The following FAM227B variants were observed in gnomAD, a reference collection of about 807,000 sequenced individuals.
FAM227B encodes protein FAM227B.
Under a neutral mutation model 73.8 loss-of-function variants are expected in FAM227B, and 88 were observed. The ratio of observed to expected loss-of-function variants is 1.19; its 90% CI spans 1.00 to 1.42. The LOEUF (loss-of-function observed/expected upper bound fraction) is 1.42, where lower values mean the gene tolerates loss of function less well. Ranked by LOEUF, FAM227B falls within the 40% of genes most tolerant of loss-of-function variation. The probability of loss-of-function intolerance (pLI) is 0.00; values close to 1 mark genes in which losing one functional copy is unlikely to be tolerated. For synonymous variants in FAM227B, 210 were observed against 190.5 expected (o/e 1.10, Z -0.84); for missense variants, 632 against 590.9 (o/e 1.07, Z -0.72).
At chr15:49,367,369 C>T (rs2045382626) in intron 13 of FAM227B, 79 bp downstream of exon 13, 1 of 1,236,452 alleles carries the variant, frequency 8.1e-7, no homozygotes. Context: ...ATTTGTTTCT[C>T]AATTGAGACA....
At chr15:49,346,536 C>T (rs2041531183) in intron 13 of FAM227B, among the ~76,000 whole-genome samples, 1 of 152,118 alleles carries the variant, frequency 6.6e-6, no homozygotes, top group Admixed American at 6.5e-5. Context: ...TAAATCTTTT[C>T]TCTTTTGCAA....
intron 13 of FAM227B, among the ~76,000 whole-genome samples, chr15:49,354,215 G>A (rs926730284): frequency 9.2e-5 from 14 of 152,108 alleles, no homozygotes; most frequent in African/African-American, 2.9e-4. Flanking sequence ...CTATTTACAT[G>A]TTTAAAAAGT....
chr15:49,451,660 A>G (rs1167814383), intron 11 of FAM227B, among the ~76,000 whole-genome samples: 1 of 152,186 alleles, frequency 6.6e-6, no homozygotes, highest in Non-Finnish European at 1.5e-5. Context: ...AACACAGCAC[A>G]AGCCAAACTG....
At chr15:49,359,047 GA>G (rs1311849746) in intron 13 of FAM227B, among the ~76,000 whole-genome samples, 1 of 152,082 alleles carries the variant, frequency 6.6e-6, no homozygotes, top group Non-Finnish European at 1.5e-5. Context: ...GTATAAAGCT[GA>G]AACTCGATCC....
At chr15:49,490,366 G>A in intron 11 of FAM227B, among the ~76,000 whole-genome samples, 1 of 151,910 alleles carries the variant, frequency 6.6e-6, no homozygotes, top group Non-Finnish European at 1.5e-5. Context: ...AAGTGATTCT[G>A]TTAAAATATA....
intron 9 of FAM227B, among the ~76,000 whole-genome samples, chr15:49,544,805 TG>T (rs1362381167): frequency 6.6e-6 from 1 of 152,234 alleles, no homozygotes; most frequent in African/African-American, 2.4e-5. Flanking sequence ...TCACATTTAT[TG>T]ACATATTGAT....
rs780775645 is a variant in FAM227B at position 49,328,074 on chromosome 15, G to A, written c.*494C>T. 65 of 1,614,076 alleles carry A rather than the reference G, an allele frequency of 4.0e-5. No homozygotes were observed. Among genetic ancestry groups the A allele is most frequent in the African/African-American group, 5.3e-5 (4 of 75,026 alleles). ...AATGTGCACAAAGCTTATTACCAGA[G>A]GAGTGATGGAAGCTTAGCACCGGAG... is the stretch of plus-strand genomic sequence containing the variant. On this transcript the variant is annotated 3_prime_UTR_variant, in exon 16 of 16. Transcript: ENST00000299338.
intron 5 of FAM227B, among the ~76,000 whole-genome samples, chr15:49,579,728 T>C (rs1490803785): frequency 6.6e-6 from 1 of 152,172 alleles, no homozygotes; most frequent in Non-Finnish European, 1.5e-5. Flanking sequence ...TACTGTTTGA[T>C]AGCATAGTAG....
intron 8 of FAM227B, among the ~76,000 whole-genome samples, chr15:49,574,307 G>C (rs906301029): frequency 6.6e-6 from 1 of 152,020 alleles, no homozygotes; most frequent in Non-Finnish European, 1.5e-5. Context: ...GATATGGTTT[G>C]GCTCTGTCTC....
chr15:49,442,508 A>T (rs1445514551), intron 11 of FAM227B, among the ~76,000 whole-genome samples: 2 of 151,670 alleles, frequency 1.3e-5, no homozygotes, highest in African/African-American at 4.8e-5. Flanking sequence ...CAGGAGTTGG[A>T]AGTATTATAG....
At chr15:49,550,541 C>T (rs945407666) in intron 9 of FAM227B, among the ~76,000 whole-genome samples, 11 of 150,970 alleles carry the variant, frequency 7.3e-5, no homozygotes, top group Admixed American at 1.3e-4. Context: ...GGCTGCCAGG[C>T]GGAGGGTCTC....
chr15:49,540,028 G>C (rs1290812232), intron 10 of FAM227B, among the ~76,000 whole-genome samples: 1 of 152,176 alleles, frequency 6.6e-6, no homozygotes, highest in African/African-American at 2.4e-5. Flanking sequence ...CTGGCCCTGG[G>C]TAGCACAACA....
chr15:49,489,329 A>G, intron 11 of FAM227B: 2 of 980,798 alleles, frequency 2.0e-6, no homozygotes, highest in Non-Finnish European at 2.4e-6. Flanking sequence ...AAGAGATGAA[A>G]TATGTATATT....
chr15:49,561,028 A>T (rs1451643030), intron 9 of FAM227B, among the ~76,000 whole-genome samples: 1 of 152,184 alleles, frequency 6.6e-6, no homozygotes, highest in East Asian at 1.9e-4. Flanking sequence ...CTCACATATC[A>T]ATACTTACTT....
At chr15:49,509,650 A>T (rs2058840834) in intron 10 of FAM227B, among the ~76,000 whole-genome samples, 1 of 151,256 alleles carries the variant, frequency 6.6e-6, no homozygotes, top group Admixed American at 6.6e-5. Flanking sequence ...AACATTATTT[A>T]CAAGTTTTAA....
chr15:49,540,819 T>C (rs2070963244), intron 10 of FAM227B, among the ~76,000 whole-genome samples: 1 of 152,200 alleles, frequency 6.6e-6, no homozygotes, highest in Non-Finnish European at 1.5e-5. Context: ...GCAGTGGTCA[T>C]TTCGTTTTTG....
At chr15:49,441,313 G>A (rs2051618476) in intron 11 of FAM227B, among the ~76,000 whole-genome samples, 1 of 151,662 alleles carries the variant, frequency 6.6e-6, no homozygotes, top group Non-Finnish European at 1.5e-5. Context: ...AGTGTTATAG[G>A]CTCATTAGGG....
Position 49,564,344 on chromosome 15 carries a change from G to A in FAM227B, c.747+3901C>T, listed in dbSNP as rs12595389. 8.6e-3 allele frequency among the ~76,000 whole-genome samples: 1,307 copies of A among 152,246 alleles called. 29 individuals are homozygous for A. The highest frequency in any genetic ancestry group is 0.071 in the South Asian group (342 of 4,826). On this transcript the variant is annotated intron_variant, in intron 9 of 15. Coordinates refer to ENST00000299338, the MANE Select transcript of FAM227B (RefSeq NM_152647.3). Reference sequence around the variant, plus strand: ...AAAGAGTCAAAAACAATGGATGCTGGCAAGGCTGCAGAGAAAAAAGAATGC... The same window carrying A: ...AAAGAGTCAAAAACAATGGATGCTGACAAGGCTGCAGAGAAAAAAGAATGC...
At chr15:49,589,717 A>G (rs1215411549) in intron 4 of FAM227B, 59 bp downstream of exon 4, 2 of 1,098,176 alleles carry the variant, frequency 1.8e-6, no homozygotes, top group East Asian at 2.5e-5. Flanking sequence ...TTTGGAGACC[A>G]GCCTGGGAAA....
Sources: gnomAD v4.1 joint callset for allele counts (sites outside exome capture counted in the v4.1 genomes callset) on GRCh38, gnomAD v4.1.1 for gene constraint, MANE v1.5 for transcripts, NCBI Gene and HGNC (gene_info 2026-07-23, HGNC 2026-07-21) for gene names.